The following CNTN5 variants were observed in gnomAD, a reference collection of about 807,000 sequenced individuals.
CNTN5 encodes the protein contactin 5.
A neutral mutation model predicts 129.1 loss-of-function variants in CNTN5; 77 were observed. The ratio of observed to expected loss-of-function variants is 0.60; its 90% CI spans 0.50 to 0.72. The LOEUF is 0.72. Ranked by LOEUF, CNTN5 falls within the 30% of genes least tolerant of loss-of-function variation. The pLI is 0.00. For missense variants in CNTN5, 1,478 were observed against 1,328.8 expected (o/e 1.11, Z -1.75); for synonymous variants, 509 against 465.6 (o/e 1.09, Z -1.20).
At chr11:99,910,061 T>A (rs1017566794) in intron 6 of CNTN5, among the ~76,000 whole-genome samples, 2 of 152,112 alleles carry the variant, frequency 1.3e-5, no homozygotes, top group Non-Finnish European at 2.9e-5. Context: ...ACCAAGAGTA[T>A]CATAATAGCT....
At chr11:100,315,531 C>A (rs1477798757) in intron 21 of CNTN5, among the ~76,000 whole-genome samples, 3 of 152,102 alleles carry the variant, frequency 2.0e-5, no homozygotes, top group Non-Finnish European at 4.4e-5. Context: ...TTATCCCTTT[C>A]TGTTTCTGAG....
intron 9 of CNTN5, among the ~76,000 whole-genome samples, chr11:100,016,987 A>G (rs1940856955): frequency 6.6e-6 from 1 of 151,864 alleles, no homozygotes; most frequent in African/African-American, 2.4e-5. Context: ...TTTTAAAAAG[A>G]TAGTCGATGA....
chr11:99,916,219 T>C, intron 7 of CNTN5, 70 bp downstream of exon 7: 2 of 1,183,512 alleles, frequency 1.7e-6, no homozygotes, highest in Non-Finnish European at 2.5e-6. Context: ...TTTTAGACAG[T>C]ATATTGATGG....
At chr11:99,137,780 C>A (rs961575330) in intron 1 of CNTN5, among the ~76,000 whole-genome samples, 1 of 151,900 alleles carries the variant, frequency 6.6e-6, no homozygotes, top group Non-Finnish European at 1.5e-5. Flanking sequence ...TCTTTTTTTC[C>A]CCCTAGAAAC....
intron 1 of CNTN5, among the ~76,000 whole-genome samples, chr11:99,131,999 C>A (rs527277833): frequency 8.9e-4 from 135 of 152,206 alleles, no homozygotes; most frequent in African/African-American, 3.1e-3. Context: ...CAAAAATCCT[C>A]AATAAAATAG....
At chr11:99,119,332 C>T (rs1858193395) in intron 1 of CNTN5, among the ~76,000 whole-genome samples, 1 of 152,098 alleles carries the variant, frequency 6.6e-6, no homozygotes, top group Non-Finnish European at 1.5e-5. Flanking sequence ...TGTCTGTTCT[C>T]TCTATGTCCA....
At position 100,297,823 on chromosome 11, in the gene CNTN5, T is replaced by C. The variant is rs114017993; in HGVS notation, c.2385+128T>C. Reference sequence around the variant, plus strand: ...GGCTAAAAACAGTGGGAGGAAGGAATGAACCACTGCTGAATAAATGCCACG... The same window carrying C: ...GGCTAAAAACAGTGGGAGGAAGGAACGAACCACTGCTGAATAAATGCCACG... On this transcript the variant is annotated intron_variant, in intron 19 of 24. Transcript: ENST00000524871. 2,128 of 681,576 alleles carry C rather than the reference T, an allele frequency of 3.1e-3. 33 individuals are homozygous for C. In the African/African-American group the frequency reaches 0.034, roughly 11 times the overall value. The allele number at this position is 681,576 out of a possible 1,614,324, so 42.2% of individuals were successfully genotyped here. A position where few individuals can be genotyped will look rare whatever the true frequency, so the allele number is the denominator to read the frequency against.
intron 2 of CNTN5, among the ~76,000 whole-genome samples, chr11:99,524,731 A>G (rs1052146942): frequency 1.3e-5 from 2 of 152,052 alleles, no homozygotes; most frequent in African/African-American, 4.8e-5. Flanking sequence ...TGAACCTGGG[A>G]GGCAGAGGTT....
intron 2 of CNTN5, among the ~76,000 whole-genome samples, chr11:99,433,859 G>A (rs1046646978): frequency 2.6e-5 from 4 of 152,118 alleles, no homozygotes; most frequent in African/African-American, 7.2e-5. Context: ...ATCCCTCTAC[G>A]TTTGATGACA....
chr11:100,029,037 G>A (rs1941570829), intron 9 of CNTN5, among the ~76,000 whole-genome samples: 1 of 151,666 alleles, frequency 6.6e-6, no homozygotes, highest in South Asian at 2.1e-4. Context: ...AAAACTTAAA[G>A]ACCAAGAGCC....
At chr11:99,720,608 T>C (rs117682907) in intron 3 of CNTN5, among the ~76,000 whole-genome samples, 4,440 of 152,120 alleles carry the variant, frequency 0.029, 78 homozygotes, top group Non-Finnish European at 0.044. Context: ...AAGGATGCCC[T>C]CTCTTACCAC....
intron 1 of CNTN5, among the ~76,000 whole-genome samples, chr11:99,036,704 T>C (rs1304374546): frequency 6.6e-6 from 1 of 152,190 alleles, no homozygotes; most frequent in Non-Finnish European, 1.5e-5. Flanking sequence ...TTACAGTGTC[T>C]GTCTCGTCCC....
intron 1 of CNTN5, among the ~76,000 whole-genome samples, chr11:99,197,857 C>G (rs1349001046): frequency 1.3e-5 from 2 of 152,022 alleles, no homozygotes; most frequent in East Asian, 1.9e-4. Flanking sequence ...TAATTTCTAA[C>G]AGTAGAGATA....
At chr11:99,541,122 A>G (rs1287053316) in intron 2 of CNTN5, among the ~76,000 whole-genome samples, 1 of 152,186 alleles carries the variant, frequency 6.6e-6, no homozygotes, top group Admixed American at 6.5e-5. Flanking sequence ...ACACTTGAGA[A>G]ATAACTCTGC....
intron 20 of CNTN5, among the ~76,000 whole-genome samples, chr11:100,299,832 A>G (rs1951179892): frequency 6.6e-6 from 1 of 151,488 alleles, no homozygotes; most frequent in Non-Finnish European, 1.5e-5. Flanking sequence ...GCACTGTACT[A>G]ATAAGGAAGT....
At position 99,845,171 on chromosome 11, in the gene CNTN5, A is replaced by G. The variant is rs1947645895; in HGVS notation, c.486A>G (p.Pro162=). 6.2e-7 allele frequency: 1 copy of G among 1,613,742 alleles called. No individual in the cohort carries two copies. The highest frequency in any genetic ancestry group is 8.5e-7 in the Non-Finnish European group (1 of 1,179,760). ...ATGGCACCTTCATTATAAGCAATCCAAGTGAAGCAAAGGATTCTGGTCATT... is the reference window on the plus strand; with the variant it reads ...ATGGCACCTTCATTATAAGCAATCCGAGTGAAGCAAAGGATTCTGGTCATT... The part of the protein sequence containing the change: ...LIDGTFIISN[P]SEAKDSGHYQ... Residue 162 remains proline, a synonymous_variant, in exon 6 of 25, where the codon CCA becomes CCG. Transcript: ENST00000524871.
At chr11:99,564,496 G>A (rs1408149193) in intron 3 of CNTN5, among the ~76,000 whole-genome samples, 1 of 151,790 alleles carries the variant, frequency 6.6e-6, no homozygotes, top group African/African-American at 2.4e-5. Flanking sequence ...TTAGCTGAAC[G>A]TAAAAAAACA....
intron 3 of CNTN5, among the ~76,000 whole-genome samples, chr11:99,732,322 T>C (rs1479657778): frequency 6.6e-6 from 1 of 152,208 alleles, no homozygotes; most frequent in Non-Finnish European, 1.5e-5. Context: ...TAGAACTGTG[T>C]AGTTATTACT....
At chr11:99,566,176 A>G (rs1356870784) in intron 3 of CNTN5, among the ~76,000 whole-genome samples, 1 of 152,158 alleles carries the variant, frequency 6.6e-6, no homozygotes, top group African/African-American at 2.4e-5. Context: ...GTAATGGGTG[A>G]GTTCTCACTC....
Sources: gnomAD v4.1 joint callset for allele counts (sites outside exome capture counted in the v4.1 genomes callset) on GRCh38, gnomAD v4.1.1 for gene constraint, MANE v1.5 for transcripts, NCBI Gene and HGNC (gene_info 2026-07-23, HGNC 2026-07-21) for gene names.